Variants in FBXL7 observed in about 807,000 individuals in gnomAD.
The protein encoded by FBXL7 is F-box/LRR-repeat protein 7.
A neutral mutation model predicts 38.3 loss-of-function variants in FBXL7; 12 were observed. The ratio of observed to expected loss-of-function variants is 0.31; its 90% CI spans 0.20 to 0.51. The LOEUF (loss-of-function observed/expected upper bound fraction) is 0.51, where lower values mean the gene tolerates loss of function less well. Among genes scored for constraint, FBXL7 ranks in the 20% least tolerant of loss-of-function variants. The pLI is 0.98. For missense variants in FBXL7, 567 were observed against 676.4 expected, an observed-to-expected ratio of 0.84 and a Z score of 1.79; for synonymous variants, 297 against 300.9, an observed-to-expected ratio of 0.99 and a Z score of 0.13.
intron 2 of FBXL7, among the ~76,000 whole-genome samples, chr5:15,840,628 C>A (rs257764): frequency 0.53 from 80,934 of 151,874 alleles, 22,808 homozygotes; most frequent in Non-Finnish European, 0.64. Context: ...CCAGGTGGAT[C>A]ACGAGGTCAA....
At chr5:15,875,891 C>T (rs538440587) in intron 2 of FBXL7, among the ~76,000 whole-genome samples, 1 of 152,142 alleles carries the variant, frequency 6.6e-6, no homozygotes, top group African/African-American at 2.4e-5. Context: ...ACCCAGCAAT[C>T]CCATTACTGG....
intron 1 of FBXL7, among the ~76,000 whole-genome samples, chr5:15,532,492 G>A (rs1737458950): frequency 1.3e-5 from 2 of 152,176 alleles, no homozygotes; most frequent in Non-Finnish European, 2.9e-5. Flanking sequence ...ATTATTGTCT[G>A]TATTCATCAG....
At chr5:15,919,382 A>T (rs1741682072) in intron 2 of FBXL7, among the ~76,000 whole-genome samples, 1 of 152,140 alleles carries the variant, frequency 6.6e-6, no homozygotes, top group Non-Finnish European at 1.5e-5. Flanking sequence ...GTAATTACTA[A>T]CGATATAAAA....
At chr5:15,606,664 A>T (rs1376535797) in intron 1 of FBXL7, 1 of 152,238 alleles carries the variant, frequency 6.6e-6, no homozygotes, top group East Asian at 1.9e-4. Flanking sequence ...TGACTTTAGC[A>T]ATTTCCCTTC....
At chr5:15,502,178 G>C (rs1200909646) in intron 1 of FBXL7, among the ~76,000 whole-genome samples, 2 of 152,104 alleles carry the variant, frequency 1.3e-5, no homozygotes, top group African/African-American at 4.8e-5. Flanking sequence ...GTTGAACACT[G>C]TCGGGGGGAG....
chr5:15,521,805 C>T (rs1737102639), intron 1 of FBXL7, among the ~76,000 whole-genome samples: 1 of 152,174 alleles, frequency 6.6e-6, no homozygotes, highest in Non-Finnish European at 1.5e-5. Context: ...TACTTAACAG[C>T]CTAAGGGGGA....
intron 2 of FBXL7, among the ~76,000 whole-genome samples, chr5:15,756,061 AT>A (rs1736288825): frequency 6.6e-6 from 1 of 152,208 alleles, no homozygotes; most frequent in South Asian, 2.1e-4. Flanking sequence ...GTAAATTGGT[AT>A]TTGCAGCTGT....
At chr5:15,686,161 T>G (rs1743011431) in intron 2 of FBXL7, among the ~76,000 whole-genome samples, 1 of 152,228 alleles carries the variant, frequency 6.6e-6, no homozygotes, top group African/African-American at 2.4e-5. Flanking sequence ...TGGATAACTT[T>G]GTTTACTATT....
At chr5:15,724,699 T>C (rs1483054956) in intron 2 of FBXL7, among the ~76,000 whole-genome samples, 1 of 152,226 alleles carries the variant, frequency 6.6e-6, no homozygotes, top group Admixed American at 6.5e-5. Context: ...TAAAGTATGC[T>C]AACATTTAAA....
intron 1 of FBXL7, among the ~76,000 whole-genome samples, chr5:15,581,222 G>A (rs541243657): frequency 6.6e-6 from 1 of 152,084 alleles, no homozygotes; most frequent in African/African-American, 2.4e-5. Flanking sequence ...TTCTCCTACT[G>A]GCAGATTTAT....
At chr5:15,536,337 G>C (rs1015082970) in intron 1 of FBXL7, among the ~76,000 whole-genome samples, 3 of 152,208 alleles carry the variant, frequency 2.0e-5, no homozygotes, top group African/African-American at 7.2e-5. Context: ...CAGAATGGTA[G>C]ATCCACCAAC....
At chr5:15,870,142 C>T (rs762594893) in intron 2 of FBXL7, among the ~76,000 whole-genome samples, 6 of 151,822 alleles carry the variant, frequency 4.0e-5, no homozygotes, top group Non-Finnish European at 7.4e-5. Flanking sequence ...TTGCTATTGT[C>T]AAGGTATGGT....
intron 2 of FBXL7, among the ~76,000 whole-genome samples, chr5:15,771,770 ATTTTTTTTTTTT>A (rs35138853): frequency 8.8e-6 from 1 of 113,292 alleles, no homozygotes; most frequent in Non-Finnish European, 1.8e-5. Flanking sequence ...GGATTAACAG[ATTTTTTTTTTTT>A]TTTTTTTTTT....
chr5:15,792,969 G>C (rs1326502321), intron 2 of FBXL7, among the ~76,000 whole-genome samples: 1 of 152,176 alleles, frequency 6.6e-6, no homozygotes, highest in African/African-American at 2.4e-5. Flanking sequence ...GAACTGTCAT[G>C]GGGGAAGGGG....
At position 15,863,884 on chromosome 5, in the gene FBXL7, A is replaced by T. The variant is rs115691921; in HGVS notation, c.128-64006A>T. 8.4e-3 allele frequency among the ~76,000 whole-genome samples: 1,274 copies of T among 152,294 alleles called. 9 individuals are homozygous for T. The highest frequency in any genetic ancestry group is 0.029 in the African/African-American group (1,210 of 41,542). Reference sequence around the variant, plus strand: ...TGAGTGGAAGCAGCTGTTGGCCCTCACTAGATGCCTAATCTTGAACTTGGT... The same window carrying T: ...TGAGTGGAAGCAGCTGTTGGCCCTCTCTAGATGCCTAATCTTGAACTTGGT... On this transcript the variant is annotated intron_variant, in intron 2 of 3. Transcript: ENST00000504595.
chr5:15,622,313 T>C (rs1740677675), intron 2 of FBXL7, among the ~76,000 whole-genome samples: 5 of 151,946 alleles, frequency 3.3e-5, no homozygotes, highest in Admixed American at 3.3e-4. Flanking sequence ...ATACTTTAAG[T>C]TCTAGGGTAC....
chr5:15,573,413 AT>A (rs1440152544), intron 1 of FBXL7, among the ~76,000 whole-genome samples: 1 of 152,214 alleles, frequency 6.6e-6, no homozygotes, highest in African/African-American at 2.4e-5. Flanking sequence ...GCTCAAAAAA[AT>A]AGATTTTTCC....
At chr5:15,553,413 C>A (rs376348605) in intron 1 of FBXL7, among the ~76,000 whole-genome samples, 10 of 152,212 alleles carry the variant, frequency 6.6e-5, no homozygotes, top group African/African-American at 1.7e-4. Context: ...TCTTCAACTT[C>A]TCCAGTTGCT....
chr5:15,903,622 T>C (rs1160148374), intron 2 of FBXL7, among the ~76,000 whole-genome samples: 1 of 152,190 alleles, frequency 6.6e-6, no homozygotes, highest in Admixed American at 6.5e-5. Flanking sequence ...TTAATGTTTC[T>C]TTCTCTTCTC....
Sources: gnomAD v4.1 joint callset for allele counts (sites outside exome capture counted in the v4.1 genomes callset) on GRCh38, gnomAD v4.1.1 for gene constraint, MANE v1.5 for transcripts, NCBI Gene and HGNC (gene_info 2026-07-23, HGNC 2026-07-21) for gene names.